EYS: variants seen among roughly 807,000 people sequenced by gnomAD.
EYS encodes the protein EGF-like photoreceptor maintenance factor.
EYS carries 250 observed loss-of-function variants against 282.1 expected under a neutral mutation model. The observed-to-expected ratio is 0.89, with a 90% CI of 0.80 to 0.98. The LOEUF (loss-of-function observed/expected upper bound fraction) is 0.98. EYS is among the 50% of genes least tolerant of loss of function. The pLI is 0.00. For synonymous variants in EYS, 1,355 were observed against 1,282.9 expected (o/e 1.06, Z -1.20); for missense variants, 4,016 against 3,709.0 (o/e 1.08, Z -2.15).
chr6:64,859,455 T>C (rs964002276), intron 19 of EYS, among the ~76,000 whole-genome samples: 2 of 152,012 alleles, frequency 1.3e-5, no homozygotes, highest in African/African-American at 2.4e-5. Flanking sequence ...AATGGAAATA[T>C]ATGCCATTTT....
At chr6:63,848,957 A>C (rs1772171850) in intron 36 of EYS, among the ~76,000 whole-genome samples, 1 of 152,218 alleles carries the variant, frequency 6.6e-6, no homozygotes, top group Non-Finnish European at 1.5e-5. Context: ...CTGCCAGCAC[A>C]GCAGTCTGAA....
At chr6:63,764,534 GT>G (rs1769734493) in intron 40 of EYS, among the ~76,000 whole-genome samples, 1 of 151,856 alleles carries the variant, frequency 6.6e-6, no homozygotes, top group African/African-American at 2.4e-5. Context: ...GCGCCATCTA[GT>G]GGTTCATTTT....
At chr6:65,092,420 C>A (rs542036019) in intron 12 of EYS, among the ~76,000 whole-genome samples, 1 of 152,254 alleles carries the variant, frequency 6.6e-6, no homozygotes, top group African/African-American at 2.4e-5. Flanking sequence ...GCCTGAAAAT[C>A]AAATGTGTTA....
intron 31 of EYS, among the ~76,000 whole-genome samples, chr6:64,116,685 C>T (rs74324824): frequency 0.049 from 7,494 of 152,050 alleles, 562 homozygotes; most frequent in African/African-American, 0.16. Flanking sequence ...ACTGAGAGAG[C>T]AAATTAAGTT....
chr6:65,638,404 C>G (rs1269378617), intron 2 of EYS, among the ~76,000 whole-genome samples: 1 of 152,146 alleles, frequency 6.6e-6, no homozygotes, highest in Non-Finnish European at 1.5e-5. Flanking sequence ...GCTGAAACTC[C>G]CCCCGATCGC....
At position 63,908,012 on chromosome 6, in the gene EYS, G is replaced by GTGTGTATATA. The variant is rs1491193336; in HGVS notation, c.7056-43655_7056-43654insTATATACACA. Among the ~76,000 whole-genome samples the GTGTGTATATA allele has an allele frequency of 9.9e-5, 13 of 131,174 alleles. No individual in the cohort carries two copies. The East Asian group carries it at 2.5e-3, about 25-fold the overall frequency. 86.1% of individuals were successfully genotyped at this position (131,174 alleles called of 152,430 possible). A position where few individuals can be genotyped will look rare whatever the true frequency, so the allele number is the denominator to read the frequency against. ...TACACACACACACACACACACAAAC[G>GTGTGTATATA]TATATATATATATATATATACGTTT... On this transcript the variant is annotated intron_variant, in intron 35 of 42. Transcript: ENST00000503581.
intron 26 of EYS, among the ~76,000 whole-genome samples, chr6:64,470,488 T>C (rs954316915): frequency 2.0e-5 from 3 of 152,186 alleles, no homozygotes; most frequent in Admixed American, 2.0e-4. Flanking sequence ...AATCAAGATC[T>C]TCAACCACAG....
intron 19 of EYS, among the ~76,000 whole-genome samples, chr6:64,826,351 TTA>T (rs1337545660): frequency 2.0e-5 from 3 of 151,958 alleles, no homozygotes; most frequent in African/African-American, 2.4e-5. Context: ...CAGCAATAGT[TTA>T]TGTTTGAAAT....
chr6:65,212,747 A>G (rs1443041360), intron 12 of EYS, among the ~76,000 whole-genome samples: 2 of 152,130 alleles, frequency 1.3e-5, no homozygotes, highest in South Asian at 2.1e-4. Context: ...ATGTATAAGA[A>G]GAGTTATCTT....
chr6:64,905,938 A>T (rs1428693859), intron 16 of EYS, among the ~76,000 whole-genome samples: 2 of 151,970 alleles, frequency 1.3e-5, no homozygotes, highest in African/African-American at 4.8e-5. Context: ...ATTTTTAAAT[A>T]AAAACTCAAA....
intron 2 of EYS, among the ~76,000 whole-genome samples, chr6:65,561,786 T>C (rs1769069407): frequency 6.6e-6 from 1 of 151,910 alleles, no homozygotes; most frequent in Non-Finnish European, 1.5e-5. Flanking sequence ...CTACTTCTAT[T>C]ACAAATCTTT....
rs200463871 is a variant in EYS, at chr6:65,049,277, T to G, written c.2137+8337A>C. Reference sequence around the variant, plus strand: ...TGTTGAAAACTCCAGCTTCATGTTCTCAGAGTAATTTTAGCTAAACTGAAT... The same window carrying G: ...TGTTGAAAACTCCAGCTTCATGTTCGCAGAGTAATTTTAGCTAAACTGAAT... On this transcript the variant is annotated intron_variant, in intron 13 of 42. Transcript: ENST00000503581. 4.0e-5 allele frequency among the ~76,000 whole-genome samples: 6 copies of G among 151,816 alleles called. No homozygotes were observed. In the East Asian group the frequency reaches 9.7e-4, roughly 25 times the overall value.
intron 30 of EYS, among the ~76,000 whole-genome samples, chr6:64,281,348 A>T (rs1034297996): frequency 1.3e-5 from 2 of 152,110 alleles, no homozygotes; most frequent in Non-Finnish European, 2.9e-5. Flanking sequence ...GGTGAGAGTC[A>T]AGTATGGAAG....
At chr6:65,380,856 CAT>C (rs1474566550) in intron 8 of EYS, among the ~76,000 whole-genome samples, 2 of 152,008 alleles carry the variant, frequency 1.3e-5, no homozygotes, top group African/African-American at 4.8e-5. Flanking sequence ...AGCCAGCAAA[CAT>C]ATAAAAAAAA....
rs1040264755 is a variant in EYS at position 64,042,928 on chromosome 6, A to C, written c.6725+23410T>G. Among the ~76,000 whole-genome samples, 18 of 152,218 alleles carry C rather than the reference A, an allele frequency of 1.2e-4. No homozygotes were observed. The East Asian group carries it at 2.5e-3, about 21-fold the overall frequency. On this transcript the variant is annotated intron_variant, in intron 33 of 42. Transcript: ENST00000503581. ...CTGCTTCCATAATAACATAGAGTGC[A>C]GGTTCTGGGGCCAGGTTGCTTGGGT...
At chr6:65,656,973 ATT>A (rs1187531066) in intron 1 of EYS, among the ~76,000 whole-genome samples, 2 of 151,842 alleles carry the variant, frequency 1.3e-5, no homozygotes, top group Non-Finnish European at 2.9e-5. Context: ...CTCATTTACT[ATT>A]TTGAACATTT....
intron 2 of EYS, among the ~76,000 whole-genome samples, chr6:65,626,284 G>A (rs952691650): frequency 5.9e-5 from 9 of 152,038 alleles, no homozygotes; most frequent in Admixed American, 4.6e-4. Flanking sequence ...TTCATTTCTG[G>A]CTCAGACCTT....
At chr6:65,287,384 C>G (rs1006511667) in intron 12 of EYS, among the ~76,000 whole-genome samples, 1 of 151,382 alleles carries the variant, frequency 6.6e-6, no homozygotes, top group Non-Finnish European at 1.5e-5. Context: ...TATTTTATAA[C>G]ACTTTAATAT....
At chr6:64,663,104 G>A (rs995719838) in intron 22 of EYS, among the ~76,000 whole-genome samples, 1 of 117,376 alleles carries the variant, frequency 8.5e-6, no homozygotes, top group Non-Finnish European at 1.8e-5. Flanking sequence ...AGAGCTTAGC[G>A]AATTGATGAT....
Sources: allele counts gnomAD v4.1 joint callset (sites outside exome capture counted in the v4.1 genomes callset), GRCh38; gene constraint gnomAD v4.1.1; transcripts MANE v1.5; gene names NCBI Gene and HGNC (gene_info 2026-07-23, HGNC 2026-07-21).